ADGRL2: variants seen among roughly 807,000 people sequenced by gnomAD.
ADGRL2 encodes adhesion G protein-coupled receptor L2.
Under a neutral mutation model 157.4 loss-of-function variants are expected in ADGRL2, and 44 were observed. The observed-to-expected ratio is 0.28, with a 90% CI of 0.22 to 0.36. The LOEUF is 0.36. ADGRL2 is among the 10% of genes least tolerant of loss of function. The pLI, the probability that ADGRL2 is intolerant of heterozygous loss-of-function variation, is 1.00. For missense variants in ADGRL2, 1,510 were observed against 1,768.9 expected, an observed-to-expected ratio of 0.85 and a Z score of 2.63; for synonymous variants, 585 against 624.7, an observed-to-expected ratio of 0.94 and a Z score of 0.95.
At chr1:81,433,563 G>T (rs2077359687) in intron 1 of ADGRL2, among the ~76,000 whole-genome samples, 1 of 152,182 alleles carries the variant, frequency 6.6e-6, no homozygotes, top group Non-Finnish European at 1.5e-5. Context: ...TTTGGGGAGA[G>T]TTTAAAATGG....
chr1:81,397,530 A>G (rs1006313609), intron 1 of ADGRL2, among the ~76,000 whole-genome samples: 3 of 152,022 alleles, frequency 2.0e-5, no homozygotes, highest in Non-Finnish European at 4.4e-5. Flanking sequence ...TGTGTTAGCC[A>G]GGATGGTCTC....
intron 1 of ADGRL2, among the ~76,000 whole-genome samples, chr1:81,702,430 T>G (rs1012871102): frequency 6.6e-6 from 1 of 152,194 alleles, no homozygotes; most frequent in African/African-American, 2.4e-5. Context: ...AGAGTAGTCA[T>G]AACCTTCTCA....
chr1:81,435,774 G>A (rs562302139), intron 1 of ADGRL2, among the ~76,000 whole-genome samples: 6 of 152,124 alleles, frequency 3.9e-5, no homozygotes, highest in Non-Finnish European at 7.4e-5. Context: ...AAAGATGGAA[G>A]CTAGAAAAAA....
Position 81,388,318 on chromosome 1 carries a change from C to T in ADGRL2, c.-301-56718C>T, listed in dbSNP as rs573372367. Among the ~76,000 whole-genome samples the T allele has an allele frequency of 2.6e-5, 4 of 152,248 alleles. No homozygotes were observed. The South Asian group carries it at 8.3e-4, about 32-fold the overall frequency. On this transcript the variant is annotated intron_variant, in intron 1 of 24. Coordinates refer to the ADGRL2 transcript ENST00000370721. ...AGAGAGAATATATGTTGATTTCTGC[C>T]AGATTCCTAGAGGCACTAATTGTTT...
At chr1:81,783,004 T>A (rs893393011) in intron 2 of ADGRL2, among the ~76,000 whole-genome samples, 1 of 152,260 alleles carries the variant, frequency 6.6e-6, no homozygotes, top group Non-Finnish European at 1.5e-5. Context: ...GCTTTTGCCA[T>A]GCGTTGGAAA....
At chr1:81,504,267 C>T (rs4369270) in intron 2 of ADGRL2, among the ~76,000 whole-genome samples, 26,578 of 151,986 alleles carry the variant, frequency 0.17, 2,664 homozygotes, top group African/African-American at 0.26. Flanking sequence ...CTCATCCTTT[C>T]CCCAGCCCTC....
In ADGRL2 at chr1:81,561,451, G is replaced by T. The variant is rs559936974; in HGVS notation, c.-247-19425G>T. 1.0e-3 allele frequency among the ~76,000 whole-genome samples: 137 copies of T among 134,664 alleles called. No individual in the cohort carries two copies. In the East Asian group the frequency reaches 0.013, roughly 12 times the overall value. 88.3% of individuals were successfully genotyped at this position (134,664 alleles called of 152,430 possible). ...GTTTTGTTTTGTTCTGTTTTTTTTT[G>T]TTGTTGTTGTTTTTGTTTTTTTTTT... is the stretch of plus-strand genomic sequence containing the variant. On this transcript the variant is annotated intron_variant, in intron 2 of 24. Transcript: ENST00000370721.
In ADGRL2 at chr1:81,310,849, GAA is replaced by G. The variant is rs34131503; in HGVS notation, c.-302+4354_-302+4355del. Among the ~76,000 whole-genome samples the G allele has an allele frequency of 8.9e-3, 1,142 of 127,974 alleles. 10 individuals are homozygous for G. Among genetic ancestry groups the G allele is most frequent in the African/African-American group, 0.028 (933 of 32,832 alleles). 84.0% of individuals were successfully genotyped at this position (127,974 alleles called of 152,430 possible). ...TTACTTGGTTGTTCTCTCCTTGAAA[GAA>G]AAAAAAAAAAAAAGGGAGGAGTGGT... On this transcript the variant is annotated intron_variant, in intron 1 of 24. Coordinates refer to the ADGRL2 transcript ENST00000370721.
chr1:81,698,771 A>G (rs143896160), upstream of ADGRL2, among the ~76,000 whole-genome samples: 210 of 152,300 alleles, frequency 1.4e-3, no homozygotes, highest in African/African-American at 4.8e-3. Context: ...TGATCATGTT[A>G]TACTTGCATG....
At chr1:81,807,912 T>C (rs1266919502) in intron 1 of ADGRL2, among the ~76,000 whole-genome samples, 1 of 151,832 alleles carries the variant, frequency 6.6e-6, no homozygotes, top group African/African-American at 2.4e-5. Context: ...GTAGATATTT[T>C]TTGATATATT....
In ADGRL2 at chr1:81,685,112, A is replaced by G. The variant is rs1008799634; in HGVS notation, c.-142-76699A>G. The stretch of plus-strand genomic sequence containing the variant: ...CTTTTTGCTTAGTCTTGCTTTGGCT[A>G]TGCGAGCTCTTTTTTGGTTCCATAT... On this transcript the variant is annotated intron_variant, in intron 3 of 24. Transcript: ENST00000370721. Among the ~76,000 whole-genome samples, 20 of 152,222 alleles carry G rather than the reference A, an allele frequency of 1.3e-4. 1 individual carries two copies. The East Asian group carries it at 3.5e-3, about 26-fold the overall frequency.
chr1:81,951,520 T>C (rs1171509984), intron 8 of ADGRL2, among the ~76,000 whole-genome samples: 1 of 152,170 alleles, frequency 6.6e-6, no homozygotes, highest in East Asian at 1.9e-4. Flanking sequence ...TTAGTAACTT[T>C]AATATTGCAG....
intron 3 of ADGRL2, among the ~76,000 whole-genome samples, chr1:81,616,419 G>T (rs770691186): frequency 6.6e-6 from 1 of 152,144 alleles, no homozygotes; most frequent in South Asian, 2.1e-4. Context: ...CTGGTCACTG[G>T]TTGCCTATTG....
rs751647967 is a variant in ADGRL2, at chr1:81,990,419, A to T, written c.3684A>T (p.Thr1228=). Residue 1228 remains threonine, a synonymous_variant, in exon 24 of 24, where the codon ACA becomes ACT. Coordinates refer to ENST00000686636, the MANE Select transcript of ADGRL2 (RefSeq NM_001366006.2). ...TRHSLNNARD[T]SAMDTLPLNG... is the part of the protein sequence containing the mutation. The stretch of plus-strand genomic sequence containing the variant: ...ATTCACTGAACAATGCCAGGGATAC[A>T]AGTGCCATGGATACTCTACCGCTAA... 44 of 1,613,848 alleles carry T rather than the reference A, an allele frequency of 2.7e-5. 1 individual carries two copies. The South Asian group carries it at 3.4e-4, about 12-fold the overall frequency.
intron 2 of ADGRL2, among the ~76,000 whole-genome samples, chr1:81,531,389 T>C (rs2079595632): frequency 6.6e-6 from 1 of 152,240 alleles, no homozygotes; most frequent in South Asian, 2.1e-4. Flanking sequence ...ATAGAGATTC[T>C]GAGAATTAGA....
intron 1 of ADGRL2, among the ~76,000 whole-genome samples, chr1:81,388,395 C>T (rs1012835951): frequency 6.6e-6 from 1 of 152,210 alleles, no homozygotes; most frequent in Non-Finnish European, 1.5e-5. Flanking sequence ...GCCACCAAAA[C>T]AATGCATAGT....
chr1:81,333,231 T>C (rs1356473984), intron 1 of ADGRL2, among the ~76,000 whole-genome samples: 1 of 152,130 alleles, frequency 6.6e-6, no homozygotes, highest in African/African-American at 2.4e-5. Context: ...ATTGCCGACC[T>C]GGGCTTCTAT....
At chr1:81,561,429 TTGTTTTGTTC>T (rs2080437772) in intron 2 of ADGRL2, among the ~76,000 whole-genome samples, 1 of 151,344 alleles carries the variant, frequency 6.6e-6, no homozygotes, top group Non-Finnish European at 1.5e-5. Flanking sequence ...TTGTTTTGTT[TTGTTTTGTTC>T]TGTTTTTTTT....
At chr1:81,889,632 A>G (rs143800474) in intron 2 of ADGRL2, among the ~76,000 whole-genome samples, 1 of 152,360 alleles carries the variant, frequency 6.6e-6, no homozygotes, top group Non-Finnish European at 1.5e-5. Flanking sequence ...CAGAAGATCT[A>G]GCTAAGATCA....
Sources: allele counts gnomAD v4.1 joint callset (sites outside exome capture counted in the v4.1 genomes callset), GRCh38; gene constraint gnomAD v4.1.1; transcripts MANE v1.5; gene names NCBI Gene and HGNC (gene_info 2026-07-23, HGNC 2026-07-21).